HCRTR2: variants seen among roughly 807,000 people sequenced by gnomAD.
The protein encoded by HCRTR2 is hypocretin receptor 2, also known as orexin receptor type 2.
A neutral mutation model predicts 49.0 loss-of-function variants in HCRTR2; 22 were observed. The observed-to-expected ratio is 0.45, with a 90% CI of 0.32 to 0.64. The LOEUF is 0.64. Ranked by LOEUF, HCRTR2 falls within the 30% of genes least tolerant of loss-of-function variation. HCRTR2 has a pLI of 0.04. For missense variants in HCRTR2, 491 were observed against 559.4 expected, an observed-to-expected ratio of 0.88 and a Z score of 1.23; for synonymous variants, 236 against 205.3, an observed-to-expected ratio of 1.15 and a Z score of -1.28.
At chr6:55,226,781 A>C (rs9349769) in intron 1 of HCRTR2, among the ~76,000 whole-genome samples, 28,963 of 121,928 alleles carry the variant, frequency 0.24, 3,133 homozygotes, top group Middle Eastern at 0.33. Context: ...TGCAGTGGTG[A>C]GATCTCGGCT....
upstream of HCRTR2, among the ~76,000 whole-genome samples, chr6:55,170,598 T>A (rs201610181): frequency 0.16 from 24,163 of 151,776 alleles, 2,200 homozygotes; most frequent in Non-Finnish European, 0.2. Flanking sequence ...TTTATTTTTA[T>A]TATACTTTAA....
At chr6:55,108,237 G>A (rs1764001209) in intron 1 of HCRTR2, among the ~76,000 whole-genome samples, 1 of 152,022 alleles carries the variant, frequency 6.6e-6, no homozygotes, top group Non-Finnish European at 1.5e-5. Context: ...CGGGAAAATG[G>A]TGGATAGGAG....
downstream of HCRTR2, among the ~76,000 whole-genome samples, chr6:55,283,946 A>T (rs554023434): frequency 5.3e-5 from 8 of 152,254 alleles, no homozygotes; most frequent in South Asian, 1.5e-3. Flanking sequence ...GTTTATTGAG[A>T]TCATATTGTA....
chr6:55,135,649 C>T (rs1375185317), intron 1 of HCRTR2, among the ~76,000 whole-genome samples: 1 of 152,114 alleles, frequency 6.6e-6, no homozygotes, highest in Non-Finnish European at 1.5e-5. Flanking sequence ...TCTTGATCCC[C>T]TTTCTAAACA....
intron 1 of HCRTR2, among the ~76,000 whole-genome samples, chr6:55,184,510 T>C (rs1765184631): frequency 6.6e-6 from 1 of 152,200 alleles, no homozygotes; most frequent in South Asian, 2.1e-4. Flanking sequence ...AATCCCCACT[T>C]CTTTCTAAAT....
At chr6:55,208,995 T>C (rs1471025113) in intron 1 of HCRTR2, among the ~76,000 whole-genome samples, 1 of 152,220 alleles carries the variant, frequency 6.6e-6, no homozygotes, top group Non-Finnish European at 1.5e-5. Flanking sequence ...ACTACTTTTA[T>C]CTTACTTATC....
At chr6:55,249,136 CAA>C (rs2127312465) in intron 2 of HCRTR2, among the ~76,000 whole-genome samples, 1 of 152,132 alleles carries the variant, frequency 6.6e-6, no homozygotes, top group South Asian at 2.1e-4. Context: ...TGATTTTGCG[CAA>C]ACTTTTTTGA....
chr6:55,152,511 A>G (rs1306792964), intron 1 of HCRTR2, among the ~76,000 whole-genome samples: 4 of 151,924 alleles, frequency 2.6e-5, no homozygotes, highest in Non-Finnish European at 5.9e-5. Flanking sequence ...ACGGTGCCTT[A>G]GTAAGTTTGG....
At position 55,164,148 on chromosome 6, in the gene HCRTR2, A is replaced by G. The variant is rs540741720; in HGVS notation, c.-377-10063A>G. On this transcript the variant is annotated intron_variant, in intron 1 of 7. Transcript: ENST00000615358. ...AACAGATGCTGGAGAGGATGTGGAGAAATAGGAACGCTTTTACACTGTTGG... is the reference window on the plus strand; with the variant it reads ...AACAGATGCTGGAGAGGATGTGGAGGAATAGGAACGCTTTTACACTGTTGG... 1.4e-4 allele frequency among the ~76,000 whole-genome samples: 21 copies of G among 152,332 alleles called. 1 individual carries two copies. The highest frequency in any genetic ancestry group is 4.3e-4 in the African/African-American group (18 of 41,582).
intron 1 of HCRTR2, among the ~76,000 whole-genome samples, chr6:55,153,049 G>C (rs1282614493): frequency 6.6e-6 from 1 of 151,812 alleles, no homozygotes; most frequent in Non-Finnish European, 1.5e-5. Flanking sequence ...CTAATTCACT[G>C]TGAGTTGATA....
At chr6:55,146,148 A>G (rs1764578213) in intron 1 of HCRTR2, among the ~76,000 whole-genome samples, 1 of 152,190 alleles carries the variant, frequency 6.6e-6, no homozygotes, top group Admixed American at 6.5e-5. Context: ...AACATGCAAC[A>G]AATGCTACTA....
intron 1 of HCRTR2, among the ~76,000 whole-genome samples, chr6:55,111,083 A>G (rs1270246304): frequency 1.3e-5 from 2 of 152,128 alleles, no homozygotes; most frequent in Non-Finnish European, 2.9e-5. Flanking sequence ...TCTCAAAACC[A>G]TGCAAATACA....
At chr6:55,155,390 G>A (rs1764717006) in intron 1 of HCRTR2, among the ~76,000 whole-genome samples, 1 of 151,856 alleles carries the variant, frequency 6.6e-6, no homozygotes, top group South Asian at 2.1e-4. Context: ...AATGAGCTCT[G>A]AGCCAGTTTT....
chr6:55,218,171 TTAATC>T (rs1395321662), intron 1 of HCRTR2, among the ~76,000 whole-genome samples: 3 of 152,176 alleles, frequency 2.0e-5, no homozygotes, highest in Admixed American at 1.3e-4. Context: ...CATGAGTAAA[TTAATC>T]TATTCATGAG....
intron 1 of HCRTR2, among the ~76,000 whole-genome samples, chr6:55,178,942 A>AAC (rs2127271646): frequency 6.6e-6 from 1 of 152,354 alleles, no homozygotes; most frequent in East Asian, 1.9e-4. Flanking sequence ...TGTTTTAAAT[A>AAC]ACACACACAT....
At chr6:55,229,361 A>G (rs1766071113) in intron 1 of HCRTR2, among the ~76,000 whole-genome samples, 1 of 152,214 alleles carries the variant, frequency 6.6e-6, no homozygotes, top group South Asian at 2.1e-4. Flanking sequence ...AAAATCAAAA[A>G]TAGAATCACC....
At chr6:55,202,357 T>C (rs959806092) in intron 1 of HCRTR2, among the ~76,000 whole-genome samples, 2 of 152,216 alleles carry the variant, frequency 1.3e-5, no homozygotes, top group Admixed American at 6.5e-5. Flanking sequence ...AAATACAACC[T>C]ATGCTCTCTT....
upstream of HCRTR2, among the ~76,000 whole-genome samples, chr6:55,171,453 A>G (rs990002203): frequency 5.3e-5 from 8 of 152,220 alleles, no homozygotes; most frequent in Non-Finnish European, 7.3e-5. Context: ...CCTAAGAACT[A>G]GAAATTCCTT....
chr6:55,199,292 T>C (rs1010498812), intron 1 of HCRTR2, among the ~76,000 whole-genome samples: 1 of 151,916 alleles, frequency 6.6e-6, no homozygotes, highest in African/African-American at 2.4e-5. Flanking sequence ...CAGCATGTCA[T>C]AAAGTTGGGA....
Sources: gnomAD v4.1 joint callset for allele counts (sites outside exome capture counted in the v4.1 genomes callset) on GRCh38, gnomAD v4.1.1 for gene constraint, MANE v1.5 for transcripts, NCBI Gene and HGNC (gene_info 2026-07-23, HGNC 2026-07-21) for gene names.